Variants in NF1 observed in about 807,000 individuals in gnomAD.
The protein encoded by NF1 is neurofibromin 1.
Under a neutral mutation model 325.7 loss-of-function variants are expected in NF1, and 122 were observed. The ratio of observed to expected loss-of-function variants is 0.37; its 90% CI spans 0.32 to 0.44. The LOEUF (loss-of-function observed/expected upper bound fraction) is 0.44. Ranked by LOEUF, NF1 falls within the 20% of genes least tolerant of loss-of-function variation. The probability of loss-of-function intolerance (pLI) is 1.00; values close to 1 mark genes in which losing one functional copy is unlikely to be tolerated. For missense variants in NF1, 2,140 were observed against 3,415.4 expected (o/e 0.63, Z 9.31); for synonymous variants, 1,091 against 1,186.0 (o/e 0.92, Z 1.65).
intron 8 of NF1, among the ~76,000 whole-genome samples, chr17:31,198,239 T>C (rs2066468142): frequency 2.0e-5 from 3 of 152,320 alleles, no homozygotes; most frequent in Non-Finnish European, 4.4e-5. Context: ...GTAGTTTTCC[T>C]GTAGTATTTT....
At chr17:31,241,868 A>G (rs1191145952) in intron 29 of NF1, among the ~76,000 whole-genome samples, 3 of 152,292 alleles carry the variant, frequency 2.0e-5, no homozygotes, top group Admixed American at 6.5e-5. Context: ...TTGCTTGTTA[A>G]TGTCCTTTTC....
At chr17:31,326,994 TCAGAG>T (rs2069361137) in intron 37 of NF1, among the ~76,000 whole-genome samples, 1 of 41,440 alleles carries the variant, frequency 2.4e-5, no homozygotes, top group African/African-American at 4.8e-5. Context: ...TGGCGTGATC[TCAGAG>T]TGCAGTGGCG....
chr17:31,289,457 T>C (rs1045956034), intron 36 of NF1, among the ~76,000 whole-genome samples: 6 of 152,244 alleles, frequency 3.9e-5, no homozygotes, highest in African/African-American at 1.4e-4. Flanking sequence ...ATTTCAGTAG[T>C]TCTTTTCTTA....
chr17:31,101,915 C>T (rs971496450), intron 1 of NF1, among the ~76,000 whole-genome samples: 2 of 152,120 alleles, frequency 1.3e-5, no homozygotes, highest in African/African-American at 2.4e-5. Flanking sequence ...AAGCAAAGAA[C>T]GCTATTTGAA....
chr17:31,217,207 TA>T (rs1456159513), intron 13 of NF1, among the ~76,000 whole-genome samples: 1 of 152,166 alleles, frequency 6.6e-6, no homozygotes, highest in Non-Finnish European at 1.5e-5. Context: ...GGTTTTGAAT[TA>T]CAGATATATT....
At chr17:31,130,220 G>T (rs1156522349) in intron 1 of NF1, among the ~76,000 whole-genome samples, 6 of 152,034 alleles carry the variant, frequency 3.9e-5, no homozygotes, top group Non-Finnish European at 2.9e-5. Flanking sequence ...AACTCTGGGG[G>T]ACTGGCATTG....
chr17:31,307,933 C>A, intron 36 of NF1: 35 of 1,288,794 alleles, frequency 2.7e-5, no homozygotes, highest in Non-Finnish European at 3.5e-5. Flanking sequence ...TCCTCTACCA[C>A]TTGGTACACA....
At position 31,295,816 on chromosome 17, in the gene NF1, C is replaced by T. The variant is rs777337623; in HGVS notation, c.4836-30004C>T. 6.2e-7 allele frequency: 1 copy of T among 1,614,084 alleles called. No individual in the cohort carries two copies. Among genetic ancestry groups the T allele is most frequent in the Non-Finnish European group, 8.5e-7 (1 of 1,180,012 alleles). ...GTGTCAAAGAATTATTAGACAGGTC[C>T]ACGATATGTAGTTTGGAGGGCATGT... On this transcript the variant is annotated intron_variant, in intron 36 of 57. Transcript: ENST00000358273.
intron 1 of NF1, among the ~76,000 whole-genome samples, chr17:31,111,198 A>G (rs1190492247): frequency 6.6e-6 from 1 of 151,888 alleles, no homozygotes; most frequent in Non-Finnish European, 1.5e-5. Context: ...AATAGAAAAT[A>G]TCTAGATAAA....
chr17:31,132,445 CAGG>C (rs1915460244), intron 1 of NF1, among the ~76,000 whole-genome samples: 1 of 151,976 alleles, frequency 6.6e-6, no homozygotes, highest in Admixed American at 6.6e-5. Context: ...GAGGCCGAGG[CAGG>C]AGAATCGCTT....
intron 50 of NF1, among the ~76,000 whole-genome samples, chr17:31,350,901 A>G (rs573623802): frequency 9.0e-4 from 137 of 152,310 alleles, no homozygotes; most frequent in Non-Finnish European, 1.6e-3. Context: ...AATATCTTTA[A>G]GGTTTAGGGA....
At chr17:31,169,601 A>G (rs1567820540) in intron 4 of NF1, among the ~76,000 whole-genome samples, 1 of 152,222 alleles carries the variant, frequency 6.6e-6, no homozygotes, top group East Asian at 1.9e-4. Flanking sequence ...GCTGAAGTAC[A>G]GTGGTGTGAT....
chr17:31,215,981 A>G (rs2066813726), intron 13 of NF1, among the ~76,000 whole-genome samples: 1 of 152,214 alleles, frequency 6.6e-6, no homozygotes, highest in African/African-American at 2.4e-5. Context: ...CAGTGACCCC[A>G]AAAGAAGGCC....
intron 35 of NF1, among the ~76,000 whole-genome samples, chr17:31,263,071 A>AGGTAGG (rs2067715441): frequency 7.3e-6 from 1 of 136,278 alleles, no homozygotes; most frequent in African/African-American, 3.0e-5. Context: ...AGGTAGGTAG[A>AGGTAGG]TAGATAGGTA....
intron 15 of NF1, 168 bp downstream of exon 15, chr17:31,222,097 TG>T: frequency 7.7e-7 from 1 of 1,298,812 alleles, no homozygotes; most frequent in Non-Finnish European, 9.8e-7. Context: ...TTGTTTTAAC[TG>T]TAAGAAAAGT....
chr17:31,152,726 T>G (rs1185157320), intron 1 of NF1, among the ~76,000 whole-genome samples: 1 of 151,972 alleles, frequency 6.6e-6, no homozygotes, highest in African/African-American at 2.4e-5. Context: ...TGTCATTTTC[T>G]TAATTTCTCT....
chr17:31,214,374 A>T (rs2143957311), intron 12 of NF1, 77 bp from the exon 13 acceptor site: 1 of 1,194,684 alleles, frequency 8.4e-7, no homozygotes, highest in Non-Finnish European at 1.2e-6. Context: ...GTTTTTAATA[A>T]TAAATTTCTT....
At chr17:31,359,452 GT>G in intron 56 of NF1, 1 of 186,242 alleles carries the variant, frequency 5.4e-6, no homozygotes, top group Non-Finnish European at 1.1e-5. Flanking sequence ...CTCTTATTCA[GT>G]TTTTTTGTTT....
chr17:31,189,094 C>T (rs1032789064), intron 8 of NF1, among the ~76,000 whole-genome samples: 1 of 152,090 alleles, frequency 6.6e-6, no homozygotes, highest in African/African-American at 2.4e-5. Context: ...CAGTAGTACT[C>T]GAGTGAATTT....
Sources: allele counts gnomAD v4.1 joint callset (sites outside exome capture counted in the v4.1 genomes callset), GRCh38; gene constraint gnomAD v4.1.1; transcripts MANE v1.5; gene names NCBI Gene and HGNC (gene_info 2026-07-23, HGNC 2026-07-21).